COL25A1: variants seen among roughly 807,000 people sequenced by gnomAD.
COL25A1 encodes collagen alpha-1(XXV) chain.
A neutral mutation model predicts 128.4 loss-of-function variants in COL25A1; 103 were observed. The observed-to-expected ratio is 0.80, with a 90% CI of 0.68 to 0.94. The LOEUF is 0.94. Ranked by LOEUF, COL25A1 falls within the 40% of genes least tolerant of loss-of-function variation. The pLI is 0.00. For missense variants in COL25A1, 745 were observed against 840.0 expected, an observed-to-expected ratio of 0.89 and a Z score of 1.40; for synonymous variants, 279 against 277.2, an observed-to-expected ratio of 1.01 and a Z score of -0.06.
At chr4:108,850,427 C>T (rs1258152047) in intron 26 of COL25A1, among the ~76,000 whole-genome samples, 1 of 147,110 alleles carries the variant, frequency 6.8e-6, no homozygotes, top group Non-Finnish European at 1.5e-5. Flanking sequence ...TAAAGGACTA[C>T]ATCAGCTAAC....
chr4:108,931,450 A>G (rs1437086482), intron 11 of COL25A1, among the ~76,000 whole-genome samples: 1 of 152,206 alleles, frequency 6.6e-6, no homozygotes, highest in Non-Finnish European at 1.5e-5. Flanking sequence ...AAATTAAGTA[A>G]TGAGAGAGGA....
intron 3 of COL25A1, among the ~76,000 whole-genome samples, chr4:109,248,580 A>G (rs1780436813): frequency 6.6e-6 from 1 of 152,210 alleles, no homozygotes; most frequent in Non-Finnish European, 1.5e-5. Context: ...CATAAATGGC[A>G]TGAAAATAAG....
At chr4:109,031,221 C>G (rs536821539) in intron 5 of COL25A1, among the ~76,000 whole-genome samples, 2 of 152,338 alleles carry the variant, frequency 1.3e-5, no homozygotes, top group East Asian at 3.9e-4. Flanking sequence ...ACGCCATTCT[C>G]TCGCCTCAGC....
chr4:109,154,110 A>C (rs1393408697), intron 3 of COL25A1, among the ~76,000 whole-genome samples: 2 of 152,244 alleles, frequency 1.3e-5, no homozygotes, highest in East Asian at 3.8e-4. Context: ...CTTTTATAGT[A>C]AATCAAATCT....
intron 15 of COL25A1, among the ~76,000 whole-genome samples, chr4:108,897,942 T>C (rs1578696629): frequency 1.3e-5 from 2 of 151,372 alleles, no homozygotes; most frequent in African/African-American, 4.8e-5. Context: ...ACGCCTGGTA[T>C]GGTGCTGATA....
Position 109,024,926 on chromosome 4 carries a change from G to A in COL25A1, c.421-14551C>T, listed in dbSNP as rs574451681. ...TTTGGAAGTAGGAATAAAGAAAGGG[G>A]CAGAAGAGTTATACAGTTAAACACC... On this transcript the variant is annotated intron_variant, in intron 5 of 37. Transcript: ENST00000399132. 5.9e-5 allele frequency among the ~76,000 whole-genome samples: 9 copies of A among 152,282 alleles called. No homozygotes were observed. The South Asian group carries it at 1.0e-3, about 18-fold the overall frequency.
At chr4:108,834,469 A>AACAAATGT in intron 31 of COL25A1, 1 of 1,193,478 alleles carries the variant, frequency 8.4e-7, no homozygotes, top group South Asian at 1.3e-5. Context: ...GGTACCGATG[A>AACAAATGT]ACAAATGTAA....
chr4:109,012,675 C>T (rs1756740459), intron 5 of COL25A1, among the ~76,000 whole-genome samples: 1 of 152,278 alleles, frequency 6.6e-6, no homozygotes, highest in African/African-American at 2.4e-5. Flanking sequence ...CCCGCCCGCA[C>T]CACGCTTGAA....
intron 3 of COL25A1, among the ~76,000 whole-genome samples, chr4:109,083,485 C>T (rs1305431675): frequency 2.6e-5 from 2 of 78,424 alleles, no homozygotes; most frequent in South Asian, 8.9e-4. Context: ...TTTTTTGAGA[C>T]GGAGTCTCGC....
chr4:108,935,418 A>C (rs974952821), intron 11 of COL25A1, among the ~76,000 whole-genome samples: 2 of 152,206 alleles, frequency 1.3e-5, no homozygotes, highest in Non-Finnish European at 2.9e-5. Context: ...GTTATGCACT[A>C]TAATTTGTCA....
At chr4:108,987,693 G>A (rs750774380) in intron 6 of COL25A1, among the ~76,000 whole-genome samples, 1 of 151,944 alleles carries the variant, frequency 6.6e-6, no homozygotes, top group Non-Finnish European at 1.5e-5. Flanking sequence ...TTTCTTAAAC[G>A]TCTTACCTGG....
At chr4:109,023,524 T>C (rs1757954041) in intron 5 of COL25A1, among the ~76,000 whole-genome samples, 1 of 152,184 alleles carries the variant, frequency 6.6e-6, no homozygotes. Flanking sequence ...TTGTTGGCAT[T>C]GAGGCTGAAG....
chr4:109,153,381 CAAAAA>C (rs34880736), intron 3 of COL25A1, among the ~76,000 whole-genome samples: 5 of 115,978 alleles, frequency 4.3e-5, no homozygotes, highest in Non-Finnish European at 5.3e-5. Flanking sequence ...AGCTCCATCT[CAAAAA>C]AAAAAAAAAA....
chr4:109,000,759 A>G (rs964510907), intron 6 of COL25A1, among the ~76,000 whole-genome samples: 5 of 143,754 alleles, frequency 3.5e-5, no homozygotes, highest in African/African-American at 1.3e-4. Context: ...AAAAAAAAAA[A>G]AAAAAAAAAG....
chr4:108,934,472 T>G (rs971003813), intron 11 of COL25A1, among the ~76,000 whole-genome samples: 1 of 151,924 alleles, frequency 6.6e-6, no homozygotes, highest in African/African-American at 2.4e-5. Context: ...TACCCTAGAA[T>G]TTAAAGTATA....
intron 3 of COL25A1, among the ~76,000 whole-genome samples, chr4:109,181,225 G>C (rs1257518570): frequency 1.3e-5 from 2 of 152,088 alleles, no homozygotes; most frequent in Non-Finnish European, 2.9e-5. Context: ...GGGTGGAGGA[G>C]ACTCCCTTGA....
chr4:108,972,195 T>C (rs1419543605), intron 8 of COL25A1, among the ~76,000 whole-genome samples: 14 of 152,176 alleles, frequency 9.2e-5, no homozygotes, highest in Middle Eastern at 3.4e-3. Flanking sequence ...AAATAAACTA[T>C]TGGAAACAAA....
chr4:108,992,555 C>G (rs555491324), intron 6 of COL25A1, among the ~76,000 whole-genome samples: 36 of 152,290 alleles, frequency 2.4e-4, no homozygotes, highest in Non-Finnish European at 4.0e-4. Context: ...AAGCCTCAGA[C>G]CCCACAAATA....
At chr4:109,205,919 C>T (rs1469164075) in intron 3 of COL25A1, among the ~76,000 whole-genome samples, 2 of 152,098 alleles carry the variant, frequency 1.3e-5, no homozygotes, top group Admixed American at 1.3e-4. Context: ...GATTCCATGA[C>T]CCCAGTGTTC....
Sources: gnomAD v4.1 joint callset for allele counts (sites outside exome capture counted in the v4.1 genomes callset) on GRCh38, gnomAD v4.1.1 for gene constraint, MANE v1.5 for transcripts, NCBI Gene and HGNC (gene_info 2026-07-23, HGNC 2026-07-21) for gene names.